The following CASD1 variants were observed in gnomAD, a reference collection of about 807,000 sequenced individuals.
CASD1 encodes N-acetylneuraminate (7)9-O-acetyltransferase.
A neutral mutation model predicts 100.0 loss-of-function variants in CASD1; 41 were observed. The observed-to-expected ratio is 0.41, with a 90% CI of 0.32 to 0.53. CASD1 has a LOEUF of 0.53. Among genes scored for constraint, CASD1 ranks in the 20% least tolerant of loss-of-function variants. CASD1 has a pLI of 0.25. For missense variants in CASD1, 774 were observed against 948.7 expected, an observed-to-expected ratio of 0.82 and a Z score of 2.42; for synonymous variants, 321 against 315.6, an observed-to-expected ratio of 1.02 and a Z score of -0.18.
chr7:94,626,387 T>A, the CASD1 span: 1 of 152,120 alleles, frequency 6.6e-6, no homozygotes, highest in Non-Finnish European at 1.5e-5. Flanking sequence ...TTAATATAAT[T>A]GTTTAAAAAT....
chr7:94,603,881 T>A, the CASD1 span, among the ~76,000 whole-genome samples: 1 of 152,098 alleles, frequency 6.6e-6, no homozygotes, highest in East Asian at 1.9e-4. Context: ...TTCACTTAAT[T>A]TTCTTGTAAT....
At chr7:94,537,122 T>A (rs899415986) in intron 8 of CASD1, among the ~76,000 whole-genome samples, 3 of 151,644 alleles carry the variant, frequency 2.0e-5, no homozygotes, top group African/African-American at 7.3e-5. Context: ...CACAACCCAT[T>A]AACAACCATG....
At chr7:94,623,257 A>T in the CASD1 span, 1 of 951,312 alleles carries the variant, frequency 1.1e-6, no homozygotes, top group Non-Finnish European at 1.6e-6. Context: ...ACTATATTTT[A>T]TGTAGTTATA....
chr7:94,605,229 T>C, the CASD1 span, among the ~76,000 whole-genome samples: 1 of 152,084 alleles, frequency 6.6e-6, no homozygotes, highest in East Asian at 1.9e-4. Context: ...CTATGACTAA[T>C]ATGCAGAGGG....
At chr7:94,604,806 AAT>A in the CASD1 span, among the ~76,000 whole-genome samples, 340 of 43,886 alleles carry the variant, frequency 7.7e-3, no homozygotes, top group Middle Eastern at 0.011. Context: ...ATGGTGCTGG[AAT>A]ATATATATAT....
At chr7:94,590,330 C>G in the CASD1 span, among the ~76,000 whole-genome samples, 1 of 152,038 alleles carries the variant, frequency 6.6e-6, no homozygotes, top group Non-Finnish European at 1.5e-5. Context: ...TCTAAGCAAC[C>G]CACAAATTAG....
the CASD1 span, among the ~76,000 whole-genome samples, chr7:94,606,751 C>T: frequency 6.6e-6 from 1 of 152,142 alleles, no homozygotes; most frequent in Non-Finnish European, 1.5e-5. Context: ...GAATGGAAAT[C>T]ATACACTGTC....
chr7:94,528,370 A>C, intron 5 of CASD1, 120 bp downstream of exon 5: 1 of 653,906 alleles, frequency 1.5e-6, no homozygotes, highest in Non-Finnish European at 2.5e-6. Flanking sequence ...TGCCTTCTTA[A>C]TAGCAACTAA....
At chr7:94,569,334 T>C in the CASD1 span, among the ~76,000 whole-genome samples, 1 of 152,316 alleles carries the variant, frequency 6.6e-6, no homozygotes, top group Non-Finnish European at 1.5e-5. Context: ...AGTGGATTGA[T>C]GATGTGGTAA....
chr7:94,510,358 T>G, intron 1 of CASD1, 141 bp downstream of exon 1: 1 of 574,228 alleles, frequency 1.7e-6, no homozygotes, highest in Non-Finnish European at 2.7e-6. Flanking sequence ...CCCCCAGGTG[T>G]CCCCAGCAGC....
the CASD1 span, chr7:94,586,739 T>G: frequency 1.7e-6 from 1 of 591,798 alleles, no homozygotes; most frequent in Non-Finnish European, 2.1e-6. Flanking sequence ...TGACCTCAGG[T>G]GATCCGCCTG....
chr7:94,623,429 T>C, the CASD1 span: 1 of 1,319,246 alleles, frequency 7.6e-7, no homozygotes, highest in Non-Finnish European at 1.1e-6. Flanking sequence ...ATTAAAGAAG[T>C]GAAATGTTCT....
downstream of CASD1, among the ~76,000 whole-genome samples, chr7:94,560,743 C>G (rs1042826106): frequency 6.6e-6 from 1 of 152,032 alleles, no homozygotes; most frequent in Admixed American, 6.6e-5. Context: ...TTAAATAGCC[C>G]TGGGACTATT....
downstream of CASD1, among the ~76,000 whole-genome samples, chr7:94,561,721 T>C (rs553952685): frequency 6.6e-6 from 1 of 152,270 alleles, no homozygotes; most frequent in South Asian, 2.1e-4. Flanking sequence ...AATGTCTCAT[T>C]AAGACAGTTT....
At chr7:94,586,763 A>G in the CASD1 span, 5 of 883,374 alleles carry the variant, frequency 5.7e-6, no homozygotes, top group East Asian at 1.2e-4. Flanking sequence ...TGGCCTCCCA[A>G]AGTGCTGGGA....
At chr7:94,624,284 C>T in the CASD1 span, 1 of 397,228 alleles carries the variant, frequency 2.5e-6, no homozygotes, top group Non-Finnish European at 4.4e-6. Flanking sequence ...CTGACTTCAA[C>T]TAAAAATAAA....
At chr7:94,535,187 C>A in intron 7 of CASD1, 122 bp from the exon 8 acceptor site, 1 of 692,688 alleles carries the variant, frequency 1.4e-6, no homozygotes, top group Non-Finnish European at 2.4e-6. Flanking sequence ...CTATTAGGTA[C>A]CTGGTACCAT....
chr7:94,623,417 A>T, the CASD1 span: 1 of 1,485,144 alleles, frequency 6.7e-7, no homozygotes. Flanking sequence ...AAGGAAAACC[A>T]TATTAAAGAA....
At chr7:94,565,182 T>G in the CASD1 span, among the ~76,000 whole-genome samples, 3 of 152,124 alleles carry the variant, frequency 2.0e-5, no homozygotes, top group Non-Finnish European at 2.9e-5. Flanking sequence ...CTGACACTTA[T>G]GTGCCACTAC....
Sources: gnomAD v4.1 joint callset for allele counts (sites outside exome capture counted in the v4.1 genomes callset) on GRCh38, gnomAD v4.1.1 for gene constraint, MANE v1.5 for transcripts, NCBI Gene and HGNC (gene_info 2026-07-23, HGNC 2026-07-21) for gene names.